The following QKI variants were observed in gnomAD, a reference collection of about 807,000 sequenced individuals.
QKI encodes the protein KH domain-containing RNA-binding protein QKI.
A neutral mutation model predicts 39.0 loss-of-function variants in QKI; 10 were observed. That is an observed-to-expected ratio of 0.26 (90% CI 0.16 to 0.43). The LOEUF is 0.43. Ranked by LOEUF, QKI falls within the 20% of genes least tolerant of loss-of-function variation. The probability of loss-of-function intolerance (pLI) is 1.00; values close to 1 mark genes in which losing one functional copy is unlikely to be tolerated. For missense variants in QKI, 218 were observed against 428.0 expected, an observed-to-expected ratio of 0.51 and a Z score of 4.33; for synonymous variants, 204 against 155.4, an observed-to-expected ratio of 1.31 and a Z score of -2.33.
At chr6:163,473,902 A>G (rs7771996) in intron 2 of QKI, among the ~76,000 whole-genome samples, 3,080 of 136,170 alleles carry the variant, frequency 0.023, 101 homozygotes, top group African/African-American at 0.076. Context: ...GGCCAGTTCT[A>G]TTTATGAATG....
chr6:163,538,981 C>T (rs1781358740), intron 4 of QKI, among the ~76,000 whole-genome samples: 1 of 152,112 alleles, frequency 6.6e-6, no homozygotes, highest in African/African-American at 2.4e-5. Context: ...TTGGTTATAA[C>T]AGGAATTAGG....
intron 3 of QKI, among the ~76,000 whole-genome samples, chr6:163,514,941 A>G (rs965904913): frequency 6.6e-6 from 1 of 151,754 alleles, no homozygotes; most frequent in African/African-American, 2.4e-5. Context: ...AAGACACCAT[A>G]CCCCATTTAA....
At chr6:163,542,490 G>A (rs188414295) in intron 4 of QKI, among the ~76,000 whole-genome samples, 35 of 152,154 alleles carry the variant, frequency 2.3e-4, no homozygotes, top group Admixed American at 9.2e-4. Flanking sequence ...TTAATAGGAA[G>A]TGGGGAGGTA....
At chr6:163,419,881 G>A (rs1787849595) in intron 1 of QKI, among the ~76,000 whole-genome samples, 1 of 152,158 alleles carries the variant, frequency 6.6e-6, no homozygotes, top group African/African-American at 2.4e-5. Context: ...GTTAAATCAA[G>A]TTAATTTGAC....
At chr6:163,557,570 C>T (rs191432044) in intron 4 of QKI, among the ~76,000 whole-genome samples, 4 of 152,070 alleles carry the variant, frequency 2.6e-5, no homozygotes, top group South Asian at 2.1e-4. Flanking sequence ...GAATGGTTGA[C>T]GGGTACGATA....
chr6:163,530,536 T>C lies in QKI; in HGVS notation c.403-4446T>C, dbSNP rs548764965. On this transcript the variant is annotated intron_variant, in intron 3 of 7. Transcript: ENST00000361752. Reference sequence around the variant, plus strand: ...AGATCACAGGGAGAAATAGTATTTGTATTAAATAATTACTAAGCTGCAAAC... The same window carrying C: ...AGATCACAGGGAGAAATAGTATTTGCATTAAATAATTACTAAGCTGCAAAC... 3.3e-5 allele frequency among the ~76,000 whole-genome samples: 5 copies of C among 152,350 alleles called. No individual in the cohort carries two copies. In the South Asian group the frequency reaches 1.0e-3, roughly 32 times the overall value.
In QKI at chr6:163,478,812, A is replaced by G. The variant is rs1280417071; in HGVS notation, c.318A>G (p.Arg106=). 2 of 1,613,182 alleles carry G rather than the reference A, an allele frequency of 1.2e-6. No homozygotes were observed. Among genetic ancestry groups the G allele is most frequent in the South Asian group, 2.2e-5 (2 of 91,020 alleles). The change falls in exon 3 of 8, where the codon AGA becomes AGG. Residue 106 remains arginine (R), a synonymous_variant. Transcript: ENST00000361752. ...FNFVGRILGP[R]GLTAKQLEAE... is the part of the protein sequence containing the mutation. ...TTGTTGGGAGAATCCTTGGACCTAG[A>G]GGACTTACAGCCAAACAACTTGAAG...
chr6:163,427,379 CAGT>C (rs1434192537), intron 1 of QKI, among the ~76,000 whole-genome samples: 1 of 150,600 alleles, frequency 6.6e-6, no homozygotes, highest in East Asian at 2.0e-4. Context: ...TTACTAATAG[CAGT>C]AAAACTATCT....
rs1783920484 is a variant in QKI, at chr6:163,575,296, G to T, written c.*4586G>T. 1 of 152,172 alleles carries T rather than the reference G, an allele frequency of 6.6e-6. No homozygotes were observed. Among genetic ancestry groups the T allele is most frequent in the African/African-American group, 2.4e-5 (1 of 41,434 alleles). 9.4% of individuals were successfully genotyped at this position (152,172 alleles called of 1,614,324 possible). On this transcript the variant is annotated 3_prime_UTR_variant, in exon 8 of 8. Coordinates refer to ENST00000361752, the MANE Select transcript of QKI (RefSeq NM_006775.3). ...TGAATGCAGCCTCATCTCATTTTCA[G>T]TTAAGGGTACTTTATGTATAATTAT...
chr6:163,437,542 G>C (rs558319280), intron 1 of QKI, among the ~76,000 whole-genome samples: 1 of 152,172 alleles, frequency 6.6e-6, no homozygotes. Flanking sequence ...TTATGCCACA[G>C]TCTGGAAAAC....
chr6:163,506,093 G>A (rs1024678175), intron 3 of QKI, among the ~76,000 whole-genome samples: 1 of 150,616 alleles, frequency 6.6e-6, no homozygotes, highest in African/African-American at 2.4e-5. Context: ...TTGTGAAGAA[G>A]GTGCTCTTTT....
chr6:163,498,213 T>C (rs954352164), intron 3 of QKI, among the ~76,000 whole-genome samples: 9 of 136,612 alleles, frequency 6.6e-5, no homozygotes, highest in Non-Finnish European at 1.1e-4. Context: ...AAAATGTATA[T>C]GTGGAAGGTA....
intron 2 of QKI, among the ~76,000 whole-genome samples, chr6:163,467,339 G>C (rs1046090490): frequency 2.6e-5 from 4 of 152,218 alleles, no homozygotes; most frequent in Non-Finnish European, 5.9e-5. Context: ...TCACTAAATT[G>C]TAAGTTGTAT....
rs560727162 is a variant in QKI at position 163,541,972 on chromosome 6, G to T, written c.546+6847G>T. 4.6e-5 allele frequency among the ~76,000 whole-genome samples: 7 copies of T among 151,906 alleles called. No homozygotes were observed. In the South Asian group the frequency reaches 1.5e-3, roughly 32 times the overall value. ...ATTTTATGTGTTTAACTATGTATGGGCTGGTTACTTGCAACTGCATGTCAT... is the reference window on the plus strand; with the variant it reads ...ATTTTATGTGTTTAACTATGTATGGTCTGGTTACTTGCAACTGCATGTCAT... On this transcript the variant is annotated intron_variant, in intron 4 of 7. Coordinates refer to ENST00000361752, the MANE Select transcript of QKI (RefSeq NM_006775.3).
chr6:163,452,552 C>G lies in QKI; in HGVS notation c.143-2727C>G, dbSNP rs1211517192. ...GTATTTATTGAGGGCCAGCTGTGTT[C>G]CAGGCACTGTTCAAGGACCTGCGGA... On this transcript the variant is annotated intron_variant, in intron 1 of 7. Coordinates refer to ENST00000361752, the MANE Select transcript of QKI (RefSeq NM_006775.3). Among the ~76,000 whole-genome samples the G allele has an allele frequency of 3.3e-5, 5 of 152,120 alleles. No homozygotes were observed. The East Asian group carries it at 7.7e-4, about 24-fold the overall frequency.
intron 3 of QKI, among the ~76,000 whole-genome samples, chr6:163,490,668 A>C (rs192132944): frequency 4.6e-5 from 7 of 152,294 alleles, no homozygotes; most frequent in African/African-American, 1.7e-4. Context: ...CATGAACCTT[A>C]TATCCAAATT....
chr6:163,465,377 C>G (rs760526104), intron 2 of QKI, among the ~76,000 whole-genome samples: 30 of 152,072 alleles, frequency 2.0e-4, no homozygotes, highest in Non-Finnish European at 3.7e-4. Flanking sequence ...GGCTCTGATT[C>G]CCAGCACTTT....
intron 3 of QKI, among the ~76,000 whole-genome samples, chr6:163,514,332 A>G (rs1038341172): frequency 2.5e-4 from 38 of 152,310 alleles, no homozygotes; most frequent in Middle Eastern, 3.4e-3. Flanking sequence ...AAATGCAACA[A>G]ACAGCTTTAG....
intron 1 of QKI, among the ~76,000 whole-genome samples, chr6:163,432,468 A>G (rs540411961): frequency 6.7e-6 from 1 of 150,226 alleles, no homozygotes; most frequent in Non-Finnish European, 1.5e-5. Context: ...ATCATAGCTC[A>G]CTGCATCCTC....
Sources: allele counts gnomAD v4.1 joint callset (sites outside exome capture counted in the v4.1 genomes callset), GRCh38; gene constraint gnomAD v4.1.1; transcripts MANE v1.5; gene names NCBI Gene and HGNC (gene_info 2026-07-23, HGNC 2026-07-21).